FGF14: variants seen among roughly 807,000 people sequenced by gnomAD.
FGF14 encodes the protein fibroblast growth factor homologous factor 4.
Under a neutral mutation model 25.5 loss-of-function variants are expected in FGF14, and 5 were observed. The observed-to-expected ratio is 0.20, with a 90% confidence interval of 0.10 to 0.41. The LOEUF is 0.41. Among genes scored for constraint, FGF14 ranks in the 10% least tolerant of loss-of-function variants. The pLI is 1.00. For missense variants in FGF14, 222 were observed against 320.1 expected (o/e 0.69, Z 2.34); for synonymous variants, 138 against 118.3 (o/e 1.17, Z -1.08).
intron 1 of FGF14, among the ~76,000 whole-genome samples, chr13:102,370,072 C>A (rs1300918094): frequency 6.6e-6 from 1 of 152,040 alleles, no homozygotes; most frequent in Non-Finnish European, 1.5e-5. Flanking sequence ...ACTCACTGCA[C>A]CCTCAACTAC....
intron 1 of FGF14, among the ~76,000 whole-genome samples, chr13:101,952,390 G>A (rs928757519): frequency 4.7e-5 from 7 of 148,534 alleles, no homozygotes; most frequent in African/African-American, 1.8e-4. Context: ...CTTCATAACT[G>A]CTTCTTTGTC....
rs2034729700 is a variant in FGF14, at chr13:101,716,553, G to A, written c.*6278C>T. On this transcript the variant is annotated 3_prime_UTR_variant, in exon 5 of 5. Transcript: ENST00000376143. ...GGGATCACATTTTTAAAACTGGGCA[G>A]GGGTTATGCGTACAAGAAATCTGAT... The A allele has an allele frequency of 6.6e-6, 1 of 152,108 alleles. No individual in the cohort carries two copies. The highest frequency in any genetic ancestry group is 1.5e-5 in the Non-Finnish European group (1 of 68,018). 9.4% of individuals were successfully genotyped at this position (152,108 alleles called of 1,614,324 possible). A position where few individuals can be genotyped will look rare whatever the true frequency, so the allele number is the denominator to read the frequency against.
At chr13:101,884,228 C>T (rs2045877677) in intron 1 of FGF14, among the ~76,000 whole-genome samples, 2 of 152,018 alleles carry the variant, frequency 1.3e-5, no homozygotes, top group Non-Finnish European at 2.9e-5. Flanking sequence ...TCTAGGTGGA[C>T]ATCCCAGTGT....
chr13:102,094,680 A>G (rs1183668433), intron 1 of FGF14, among the ~76,000 whole-genome samples: 1 of 152,172 alleles, frequency 6.6e-6, no homozygotes, highest in African/African-American at 2.4e-5. Flanking sequence ...GGAAAAGGTA[A>G]ACAGCAGCTG....
chr13:102,125,506 T>C (rs2045915326), intron 1 of FGF14, among the ~76,000 whole-genome samples: 1 of 152,114 alleles, frequency 6.6e-6, no homozygotes, highest in African/African-American at 2.4e-5. Flanking sequence ...TGAATTAACA[T>C]AGAAAGAAAA....
chr13:101,758,957 AAAC>A (rs1378106935), intron 3 of FGF14, among the ~76,000 whole-genome samples: 4 of 152,204 alleles, frequency 2.6e-5, no homozygotes, highest in Admixed American at 6.5e-5. Context: ...TTCCATGAGA[AAAC>A]AACAATAACA....
intron 1 of FGF14, among the ~76,000 whole-genome samples, chr13:102,144,011 C>T (rs2046752594): frequency 1.3e-5 from 2 of 152,042 alleles, no homozygotes; most frequent in African/African-American, 2.4e-5. Context: ...TGACACAGCA[C>T]GCATATTATT....
In FGF14 at chr13:101,916,607, C is replaced by T; in HGVS notation, c.39G>A (p.Lys13=). ...CCCAGTGCTGCTCCCGCGCCTGCCGCTTCTGGCGGATCAAGCCGCTAGCGA... is the reference window on the plus strand; with the variant it reads ...CCCAGTGCTGCTCCCGCGCCTGCCGTTTCTGGCGGATCAAGCCGCTAGCGA... The part of the protein sequence containing the change: ...AAIASGLIRQ[K]RQAREQHWDR... The change falls in exon 1 of 5, where the codon AAG becomes AAA. Residue 13 remains lysine, a synonymous_variant. Coordinates refer to ENST00000376143, the MANE Select transcript of FGF14 (RefSeq NM_004115.4). The T allele has an allele frequency of 1.3e-6, 2 of 1,593,214 alleles. No individual in the cohort carries two copies. Among genetic ancestry groups the T allele is most frequent in the Middle Eastern group, 1.7e-4 (1 of 6,010 alleles).
In FGF14 at chr13:101,769,388, GT is replaced by G. The variant is rs373220360; in HGVS notation, c.409-42579del. Among the ~76,000 whole-genome samples, 460 of 152,112 alleles carry G rather than the reference GT, an allele frequency of 3.0e-3. 2 individuals are homozygous for G. In the Middle Eastern group the frequency reaches 0.051, roughly 17 times the overall value. The stretch of plus-strand genomic sequence containing the variant: ...AATGGTACAACCACTTTAGAAGACA[GT>G]TTGATGGTTTCTCATAACAACTAAA... On this transcript the variant is annotated intron_variant, in intron 3 of 4. Coordinates refer to ENST00000376143, the MANE Select transcript of FGF14 (RefSeq NM_004115.4).
At chr13:101,787,715 TG>T (rs1178876922) in intron 3 of FGF14, among the ~76,000 whole-genome samples, 1 of 152,144 alleles carries the variant, frequency 6.6e-6, no homozygotes, top group Non-Finnish European at 1.5e-5. Flanking sequence ...CCATCCATAG[TG>T]GTATGTAAGC....
intron 1 of FGF14, among the ~76,000 whole-genome samples, chr13:101,960,301 C>T (rs930491278): frequency 5.3e-5 from 8 of 152,118 alleles, no homozygotes; most frequent in African/African-American, 1.7e-4. Flanking sequence ...TAATCCATCA[C>T]CTAGGTATTA....
At chr13:101,944,051 A>G (rs1250432920) in intron 1 of FGF14, among the ~76,000 whole-genome samples, 4 of 151,254 alleles carry the variant, frequency 2.6e-5, no homozygotes, top group African/African-American at 9.7e-5. Context: ...AACCACTTTC[A>G]GCAGACAATT....
At chr13:102,344,800 GAAAGGTGC>G (rs749394075) in intron 1 of FGF14, among the ~76,000 whole-genome samples, 145 of 152,346 alleles carry the variant, frequency 9.5e-4, no homozygotes, top group Middle Eastern at 3.4e-3. Context: ...TCCAGGTAAA[GAAAGGTGC>G]AAAGAGCATT....
chr13:101,830,638 T>A lies in FGF14; in HGVS notation c.408+38087A>T, dbSNP rs140215014. On this transcript the variant is annotated intron_variant, in intron 3 of 4. Transcript: ENST00000376143. ...CTCTCTCTGTGACTCATTTTCCTAA[T>A]TTTTAGGAAATTTCTAAATTTTCAA... Among the ~76,000 whole-genome samples, 42 of 152,202 alleles carry A rather than the reference T, an allele frequency of 2.8e-4. No individual in the cohort carries two copies. The East Asian group carries it at 8.1e-3, about 29-fold the overall frequency.
At position 102,291,842 on chromosome 13, in the gene FGF14, G is replaced by T. The variant is rs528484242; in HGVS notation, c.208+109629C>A. On this transcript the variant is annotated intron_variant, in intron 1 of 4. Coordinates refer to the FGF14 transcript ENST00000376131. ...TGCTCTGGTTTTTACCACCTCAAAA[G>T]GGAGGTGGTATCACTTATTGTAGGA... is the stretch of plus-strand genomic sequence containing the variant. Among the ~76,000 whole-genome samples, 11 of 152,276 alleles carry T rather than the reference G, an allele frequency of 7.2e-5. No homozygotes were observed. In the South Asian group the frequency reaches 2.3e-3, roughly 32 times the overall value.
At chr13:101,897,332 A>G (rs2030845721) in intron 1 of FGF14, among the ~76,000 whole-genome samples, 2 of 152,222 alleles carry the variant, frequency 1.3e-5, no homozygotes, top group African/African-American at 4.8e-5. Flanking sequence ...CGAGTCACTT[A>G]TTCAAAAGCA....
chr13:101,924,626 G>T (rs1335086208), intron 1 of FGF14, among the ~76,000 whole-genome samples: 1 of 152,158 alleles, frequency 6.6e-6, no homozygotes, highest in Non-Finnish European at 1.5e-5. Context: ...GGGAACAAGA[G>T]CATGTCTGTT....
At position 101,720,837 on chromosome 13, in the gene FGF14, A is replaced by G. The variant is rs948387320; in HGVS notation, c.*1994T>C. 7 of 152,160 alleles carry G rather than the reference A, an allele frequency of 4.6e-5. No individual in the cohort carries two copies. The highest frequency in any genetic ancestry group is 7.2e-5 in the African/African-American group (3 of 41,450). 9.4% of individuals were successfully genotyped at this position (152,160 alleles called of 1,614,324 possible). On this transcript the variant is annotated 3_prime_UTR_variant, in exon 5 of 5. Transcript: ENST00000376143. ...AGATTTGTAATTTAGCATCATTGGC[A>G]ATAAATCTACTCAAACGTTCTGCTA...
rs1486630519 is a variant in FGF14, at chr13:102,016,729, A to G, written c.209-141433T>C. ...TTGAACTCCTGGGCTCAAGTGATCCATCTGCCTTGGCCTCCCAAATTGCTG... is the reference window on the plus strand; with the variant it reads ...TTGAACTCCTGGGCTCAAGTGATCCGTCTGCCTTGGCCTCCCAAATTGCTG... On this transcript the variant is annotated intron_variant, in intron 1 of 4. Transcript: ENST00000376131. Among the ~76,000 whole-genome samples, 18 of 152,098 alleles carry G rather than the reference A, an allele frequency of 1.2e-4. 1 individual carries two copies. The highest frequency in any genetic ancestry group is 4.4e-5 in the Non-Finnish European group (3 of 68,000).
Sources: allele counts gnomAD v4.1 joint callset (sites outside exome capture counted in the v4.1 genomes callset), GRCh38; gene constraint gnomAD v4.1.1; transcripts MANE v1.5; gene names NCBI Gene and HGNC (gene_info 2026-07-23, HGNC 2026-07-21).